Variants in NRDE2 observed in about 807,000 individuals in gnomAD.
NRDE2 encodes nuclear exosome regulator NRDE2.
In NRDE2, 76 loss-of-function variants were observed where a neutral mutation model predicts 124.2. That is an observed-to-expected ratio of 0.61 (90% CI 0.51 to 0.74). The LOEUF is 0.74. NRDE2 is among the 30% of genes least tolerant of loss of function. The pLI, the probability that NRDE2 is intolerant of heterozygous loss-of-function variation, is 0.00. For missense variants in NRDE2, 1,314 were observed against 1,417.3 expected (o/e 0.93, Z 1.17); for synonymous variants, 489 against 528.1 (o/e 0.93, Z 1.01).
At chr14:90,295,601 T>C (rs1884114927) in intron 8 of NRDE2, among the ~76,000 whole-genome samples, 1 of 152,162 alleles carries the variant, frequency 6.6e-6, no homozygotes, top group Admixed American at 6.6e-5. Context: ...TGGACACACA[T>C]TCATGTATAA....
At position 90,274,840 on chromosome 14, in the gene NRDE2, C is replaced by CACACACACA. The variant is rs1891768392; in HGVS notation, c.*3495_*3496insTGTGTGTGT. On this transcript the variant is annotated 3_prime_UTR_variant, in exon 14 of 14. Coordinates refer to ENST00000354366, the MANE Select transcript of NRDE2 (RefSeq NM_017970.4). ...CACACACACACACACACACACACAC[C>CACACACACA]CCAATACATATGAATTGATCTGAAA... 1.8e-5 allele frequency: 2 copies of CACACACACA among 110,052 alleles called. No individual in the cohort carries two copies. Among genetic ancestry groups the CACACACACA allele is most frequent in the Non-Finnish European group, 3.9e-5 (2 of 51,850 alleles). The allele number at this position is 110,052 out of a possible 1,614,324, so 6.8% of individuals were successfully genotyped here.
At chr14:90,281,939 A>G (rs933129640) in intron 12 of NRDE2, among the ~76,000 whole-genome samples, 5 of 152,184 alleles carry the variant, frequency 3.3e-5, no homozygotes, top group African/African-American at 1.2e-4. Flanking sequence ...ATGGCCTTTC[A>G]ATATATACCA....
chr14:90,288,534 G>A lies in NRDE2; in HGVS notation c.2841C>T (p.Asp947=), dbSNP rs770099359. ...SVFPEGSGEG[D]SASSQSWTSV... ...TGGTCCAACTCTGGGAGCTGGCACT[G>A]TCCCCCTCGCCAGAGCCTTCTGGGA... Residue 947 remains aspartate, a synonymous_variant, in exon 11 of 14, where the codon GAC becomes GAT. Coordinates refer to ENST00000354366, the MANE Select transcript of NRDE2 (RefSeq NM_017970.4). 3.1e-6 allele frequency: 5 copies of A among 1,614,140 alleles called. No homozygotes were observed. The highest frequency in any genetic ancestry group is 3.3e-5 in the Admixed American group (2 of 60,030).
rs1434374658 is a variant in NRDE2 at position 90,304,272 on chromosome 14, T to C, written c.668A>G (p.Tyr223Cys). The C allele has an allele frequency of 6.8e-6, 11 of 1,614,010 alleles. No homozygotes were observed. Among genetic ancestry groups the C allele is most frequent in the African/African-American group, 1.3e-5 (1 of 74,924 alleles). ...TAATCCCACACTCTTCTTAGTAAAA[T>C]AGCGTTCAACCTGCTTGCGTGAATG... Reference protein sequence around the residue: ...KKHSRKQVERYFTKKSVGLMN... With the variant: ...KKHSRKQVERCFTKKSVGLMN... Residue 223 changes from tyrosine to cysteine, a missense_variant, in exon 5 of 14, where the codon TAT (tyrosine) becomes TGT (cysteine). Coordinates refer to ENST00000354366, the MANE Select transcript of NRDE2 (RefSeq NM_017970.4).
chr14:90,331,388 A>C (rs1885691226), intron 1 of NRDE2, among the ~76,000 whole-genome samples: 1 of 152,348 alleles, frequency 6.6e-6, no homozygotes, highest in African/African-American at 2.4e-5. Flanking sequence ...TTTGGATACT[A>C]ATCCCCTAGC....
intron 1 of NRDE2, among the ~76,000 whole-genome samples, chr14:90,322,193 G>T (rs974373843): frequency 1.1e-4 from 16 of 152,126 alleles, no homozygotes; most frequent in Admixed American, 7.9e-4. Context: ...TATACTCTAA[G>T]CCAAGGGTCA....
chr14:90,298,170 A>T (rs925901060), intron 8 of NRDE2, 90 bp downstream of exon 8: 1 of 1,346,428 alleles, frequency 7.4e-7, no homozygotes, highest in Non-Finnish European at 1.0e-6. Context: ...AGCTACTGAT[A>T]AATAGCTTAA....
chr14:90,283,538 A>AG (rs1892012289), intron 12 of NRDE2, among the ~76,000 whole-genome samples: 2 of 152,098 alleles, frequency 1.3e-5, no homozygotes, highest in African/African-American at 4.8e-5. Flanking sequence ...ACAGGAGTGG[A>AG]GGTTTCACTA....
At chr14:90,302,623 T>C (rs1369556952) in intron 6 of NRDE2, 97 bp downstream of exon 6, 1 of 1,282,558 alleles carries the variant, frequency 7.8e-7, no homozygotes, top group East Asian at 2.4e-5. Flanking sequence ...CAATTTAGAC[T>C]TTTTCTAGAA....
intron 1 of NRDE2, among the ~76,000 whole-genome samples, chr14:90,321,644 T>C (rs1272593018): frequency 6.6e-6 from 1 of 151,490 alleles, no homozygotes; most frequent in Non-Finnish European, 1.5e-5. Flanking sequence ...TTCATGCCAA[T>C]CAAATGACCT....
At chr14:90,286,705 G>T (rs78519081) in intron 11 of NRDE2, among the ~76,000 whole-genome samples, 1 of 152,164 alleles carries the variant, frequency 6.6e-6, no homozygotes, top group African/African-American at 2.4e-5. Flanking sequence ...ACACCACATC[G>T]AATCTGTCTT....
rs767974179 is a variant in NRDE2, at chr14:90,288,835, A to G, written c.2540T>C (p.Val847Ala). Residue 847 changes from valine (V) to alanine (A), a missense_variant, in exon 11 of 14, where the codon GTT becomes GCT. Physicochemically the swap from Val to Ala is moderately conservative, Grantham distance 64. Coordinates refer to ENST00000354366, the MANE Select transcript of NRDE2 (RefSeq NM_017970.4). ...CTCAGTCAGCTTGGTTAATATGTGA[A>G]CAGCTCGAGCTGTGGCAGCCCTTCT... ...EVRRAATARA[V>A]HILTKLTESS... The G allele has an allele frequency of 9.9e-6, 16 of 1,614,030 alleles. 1 individual carries two copies. The South Asian group carries it at 1.8e-4, about 18-fold the overall frequency.
At position 90,275,135 on chromosome 14, in the gene NRDE2, A is replaced by C. The variant is rs1387894212; in HGVS notation, c.*3201T>G. 6.6e-6 allele frequency: 1 copy of C among 152,154 alleles called. No individual in the cohort carries two copies. The highest frequency in any genetic ancestry group is 1.5e-5 in the Non-Finnish European group (1 of 68,040). The allele number at this position is 152,154 out of a possible 1,614,324, so 9.4% of individuals were successfully genotyped here. On this transcript the variant is annotated 3_prime_UTR_variant, in exon 14 of 14. Transcript: ENST00000354366. ...GAGGAACATTCTACAAATTCAGAAC[A>C]CTTCAAAAGTATCCACGTCTTGGAA...
chr14:90,287,041 A>C, intron 11 of NRDE2, among the ~76,000 whole-genome samples: 1 of 145,570 alleles, frequency 6.9e-6, no homozygotes, highest in South Asian at 2.2e-4. Context: ...CTCAAAAAAA[A>C]AAAAAAAAAA....
At chr14:90,283,072 T>TC (rs1435853056) in intron 12 of NRDE2, among the ~76,000 whole-genome samples, 1 of 151,996 alleles carries the variant, frequency 6.6e-6, no homozygotes, top group Non-Finnish European at 1.5e-5. Flanking sequence ...GCCTTAGCCT[T>TC]CCCCCCGGCC....
intron 1 of NRDE2, 29 bp from the exon 2 acceptor site, chr14:90,318,142 T>C (rs369248161): frequency 1.2e-4 from 182 of 1,531,652 alleles, no homozygotes; most frequent in Middle Eastern, 6.7e-4. Flanking sequence ...AAAAGATCAA[T>C]GAAATTAGTT....
At chr14:90,286,638 G>C (rs900356471) in intron 11 of NRDE2, 146 bp from the exon 12 acceptor site, 11 of 1,006,474 alleles carry the variant, frequency 1.1e-5, no homozygotes, top group Non-Finnish European at 1.6e-5. Context: ...GTAGAGCGCT[G>C]TGTATGGGGC....
At chr14:90,290,146 G>A in intron 10 of NRDE2, 75 bp downstream of exon 10, 2 of 1,491,472 alleles carry the variant, frequency 1.3e-6, no homozygotes, top group Non-Finnish European at 1.8e-6. Context: ...AGCACTCGGA[G>A]GCTTACAATC....
At chr14:90,289,419 C>T (rs1416505160) in intron 10 of NRDE2, among the ~76,000 whole-genome samples, 3 of 152,168 alleles carry the variant, frequency 2.0e-5, no homozygotes, top group African/African-American at 7.2e-5. Context: ...GATGTGGCCA[C>T]AACATTTCAA....
Sources: gnomAD v4.1 joint callset for allele counts (sites outside exome capture counted in the v4.1 genomes callset) on GRCh38, gnomAD v4.1.1 for gene constraint, MANE v1.5 for transcripts, NCBI Gene and HGNC (gene_info 2026-07-23, HGNC 2026-07-21) for gene names.